The following ARHGAP24 variants were observed in gnomAD, a reference collection of about 807,000 sequenced individuals.
ARHGAP24 encodes Rho GTPase activating protein 24, also known as rho GTPase-activating protein 24.
Under a neutral mutation model 76.4 loss-of-function variants are expected in ARHGAP24, and 50 were observed. The ratio of observed to expected loss-of-function variants is 0.65; its 90% CI spans 0.52 to 0.83. The LOEUF (loss-of-function observed/expected upper bound fraction) is 0.83, where lower values mean the gene tolerates loss of function less well. ARHGAP24 is among the 40% of genes least tolerant of loss of function. The pLI is 0.00. For missense variants in ARHGAP24, 930 were observed against 914.2 expected (o/e 1.02, Z -0.22); for synonymous variants, 345 against 323.3 (o/e 1.07, Z -0.72).
chr4:85,484,708 C>T (rs1165287139), intron 1 of ARHGAP24, among the ~76,000 whole-genome samples: 1 of 152,066 alleles, frequency 6.6e-6, no homozygotes, highest in Non-Finnish European at 1.5e-5. Context: ...ATTCCACCTC[C>T]TGGGTTCAAG....
At chr4:85,979,388 G>A (rs1010447065) in intron 8 of ARHGAP24, among the ~76,000 whole-genome samples, 3 of 152,038 alleles carry the variant, frequency 2.0e-5, no homozygotes, top group Admixed American at 2.0e-4. Context: ...GTAGCATTCA[G>A]TACTTTCACA....
At position 85,514,238 on chromosome 4, in the gene ARHGAP24, A is replaced by G. The variant is rs182335750; in HGVS notation, c.-21+38679A>G. On this transcript the variant is annotated intron_variant, in intron 1 of 9. Coordinates refer to ENST00000395184, the MANE Select transcript of ARHGAP24 (RefSeq NM_001025616.3). ...ACTGTCTCAGAGGATCCCCAGCAGGATGGTGTCCCAGCTGCCCAGAGCAGT... is the reference window on the plus strand; with the variant it reads ...ACTGTCTCAGAGGATCCCCAGCAGGGTGGTGTCCCAGCTGCCCAGAGCAGT... 4.3e-3 allele frequency among the ~76,000 whole-genome samples: 659 copies of G among 152,262 alleles called. 4 individuals carry two copies. Among genetic ancestry groups the G allele is most frequent in the African/African-American group, 0.015 (631 of 41,542 alleles).
intron 3 of ARHGAP24, among the ~76,000 whole-genome samples, chr4:85,888,989 G>T (rs1302028350): frequency 6.6e-6 from 1 of 152,086 alleles, no homozygotes; most frequent in East Asian, 1.9e-4. Context: ...TTTTCCATAG[G>T]GTATATGTAT....
At chr4:85,669,360 G>A (rs760355799) in intron 2 of ARHGAP24, among the ~76,000 whole-genome samples, 3 of 151,976 alleles carry the variant, frequency 2.0e-5, no homozygotes, top group Non-Finnish European at 4.4e-5. Flanking sequence ...GCAGTGTGTT[G>A]TAGCAGCAGC....
At chr4:85,578,513 A>G (rs1490832355) in intron 2 of ARHGAP24, among the ~76,000 whole-genome samples, 1 of 152,170 alleles carries the variant, frequency 6.6e-6, no homozygotes, top group East Asian at 1.9e-4. Context: ...AGTTGAGTCC[A>G]CTTGTTTTTT....
intron 5 of ARHGAP24, among the ~76,000 whole-genome samples, chr4:85,954,436 C>CT (rs1053852785): frequency 4.0e-4 from 61 of 152,250 alleles, no homozygotes; most frequent in African/African-American, 1.5e-3. Flanking sequence ...ATTTAAGCTC[C>CT]TTGAGGGCAG....
At chr4:85,878,050 C>T (rs1363386273) in intron 3 of ARHGAP24, among the ~76,000 whole-genome samples, 1 of 152,078 alleles carries the variant, frequency 6.6e-6, no homozygotes, top group Non-Finnish European at 1.5e-5. Context: ...TTCATAATAT[C>T]TAACTGAATT....
chr4:85,622,541 G>A (rs1438090581), intron 2 of ARHGAP24, among the ~76,000 whole-genome samples: 1 of 151,992 alleles, frequency 6.6e-6, no homozygotes, highest in Non-Finnish European at 1.5e-5. Flanking sequence ...ATTGTGAATA[G>A]TGCTGCTATA....
intron 1 of ARHGAP24, among the ~76,000 whole-genome samples, chr4:85,525,009 G>A (rs1302862677): frequency 1.3e-5 from 2 of 152,066 alleles, no homozygotes; most frequent in Non-Finnish European, 2.9e-5. Context: ...TTGTGAGATG[G>A]CTTTACACTC....
At chr4:85,485,390 T>C (rs868769788) in intron 1 of ARHGAP24, among the ~76,000 whole-genome samples, 1 of 94,516 alleles carries the variant, frequency 1.1e-5, no homozygotes, top group African/African-American at 4.6e-5. Context: ...TATATATATA[T>C]ATATATATAT....
Position 85,624,511 on chromosome 4 carries a change from T to C in ARHGAP24, c.180+53790T>C, listed in dbSNP as rs376074518. On this transcript the variant is annotated intron_variant, in intron 2 of 9. Transcript: ENST00000395184. ...GCCAGTATTTTATTGAGGATTTTTG[T>C]ATCAATGTTCATCAAGGATATTGGT... Among the ~76,000 whole-genome samples, 279 of 152,234 alleles carry C rather than the reference T, an allele frequency of 1.8e-3. 2 individuals are homozygous for C. The highest frequency in any genetic ancestry group is 3.0e-3 in the Non-Finnish European group (205 of 67,970).
intron 2 of ARHGAP24, among the ~76,000 whole-genome samples, chr4:85,656,613 G>A (rs1312455493): frequency 2.6e-5 from 4 of 151,990 alleles, no homozygotes; most frequent in African/African-American, 9.7e-5. Context: ...GATTACAAGC[G>A]TGTGGCACCA....
At chr4:85,822,376 T>G (rs1251236491) in intron 3 of ARHGAP24, among the ~76,000 whole-genome samples, 1 of 152,168 alleles carries the variant, frequency 6.6e-6, no homozygotes, top group African/African-American at 2.4e-5. Context: ...CCAAGAAGAT[T>G]TACATTGAGG....
rs1722419683 is a variant in ARHGAP24, at chr4:85,662,237, T to C, written c.181-59648T>C. On this transcript the variant is annotated intron_variant, in intron 2 of 9. Transcript: ENST00000395184. ...ACTGGTGTGAGATGGTATTTCATTG[T>C]GGTTTTGATTTGCATTTCTCTGATG... is the stretch of plus-strand genomic sequence containing the variant. 2.0e-5 allele frequency among the ~76,000 whole-genome samples: 3 copies of C among 152,166 alleles called. No homozygotes were observed. In the South Asian group the frequency reaches 6.2e-4, roughly 31 times the overall value.
At chr4:85,847,467 T>C (rs772662566) in intron 3 of ARHGAP24, among the ~76,000 whole-genome samples, 2 of 152,056 alleles carry the variant, frequency 1.3e-5, no homozygotes, top group Admixed American at 1.3e-4. Flanking sequence ...GTCATAAAGA[T>C]AGATATAGCA....
At chr4:85,482,153 T>C (rs1325872141) in intron 1 of ARHGAP24, among the ~76,000 whole-genome samples, 1 of 152,246 alleles carries the variant, frequency 6.6e-6, no homozygotes, top group Non-Finnish European at 1.5e-5. Context: ...TCTTGCAACC[T>C]AACTGTGTAA....
chr4:85,585,563 C>T (rs1489567544), intron 2 of ARHGAP24, among the ~76,000 whole-genome samples: 1 of 152,156 alleles, frequency 6.6e-6, no homozygotes. Context: ...GACTTGAATA[C>T]CTGTTGATGT....
At chr4:85,789,041 G>A (rs1010012307) in intron 3 of ARHGAP24, among the ~76,000 whole-genome samples, 13 of 151,990 alleles carry the variant, frequency 8.6e-5, no homozygotes, top group African/African-American at 2.9e-4. Flanking sequence ...ACTTGTGGCT[G>A]GAGCCCCTAG....
At chr4:85,779,114 T>C in intron 3 of ARHGAP24, 1 of 563,438 alleles carries the variant, frequency 1.8e-6, no homozygotes, top group Non-Finnish European at 2.2e-6. Flanking sequence ...AACTGTATTA[T>C]TTTCTGGCTG....
Sources: allele counts gnomAD v4.1 joint callset (sites outside exome capture counted in the v4.1 genomes callset), GRCh38; gene constraint gnomAD v4.1.1; transcripts MANE v1.5; gene names NCBI Gene and HGNC (gene_info 2026-07-23, HGNC 2026-07-21).